The following PCBP3 variants were observed in gnomAD, a reference collection of about 807,000 sequenced individuals.
The protein encoded by PCBP3 is poly(rC) binding protein 3.
PCBP3 carries 25 observed loss-of-function variants against 52.7 expected under a neutral mutation model. The observed-to-expected ratio is 0.47, with a 90% confidence interval of 0.35 to 0.66. PCBP3 has a LOEUF of 0.66. Ranked by LOEUF, PCBP3 falls within the 30% of genes least tolerant of loss-of-function variation. The pLI is 0.01. For synonymous variants in PCBP3, 162 were observed against 183.0 expected, an observed-to-expected ratio of 0.89 and a Z score of 0.93; for missense variants, 391 against 490.3, an observed-to-expected ratio of 0.80 and a Z score of 1.91.
At chr21:45,747,234 T>A (rs1037147099) in intron 3 of PCBP3, among the ~76,000 whole-genome samples, 1 of 152,190 alleles carries the variant, frequency 6.6e-6, no homozygotes. Flanking sequence ...GTGAGATTTA[T>A]TCACTACCAT....
At chr21:45,824,001 C>G (rs1390438883) in intron 4 of PCBP3, among the ~76,000 whole-genome samples, 2 of 152,168 alleles carry the variant, frequency 1.3e-5, no homozygotes, top group Non-Finnish European at 2.9e-5. Flanking sequence ...CTTGGCCTCC[C>G]AAAGTGCTGG....
At chr21:45,892,991 C>G (rs1457646772) in intron 5 of PCBP3, among the ~76,000 whole-genome samples, 1 of 151,340 alleles carries the variant, frequency 6.6e-6, no homozygotes, top group Non-Finnish European at 1.5e-5. Context: ...GGGAGGGAGT[C>G]CTGGAGAGGG....
chr21:45,936,617 T>G (rs1331982566), intron 16 of PCBP3, among the ~76,000 whole-genome samples: 1 of 152,234 alleles, frequency 6.6e-6, no homozygotes, highest in Non-Finnish European at 1.5e-5. Flanking sequence ...CTTCAGCATT[T>G]GGCTTCTGGC....
intron 4 of PCBP3, among the ~76,000 whole-genome samples, chr21:45,844,314 A>T (rs1012526524): frequency 3.3e-5 from 5 of 151,914 alleles, no homozygotes; most frequent in Non-Finnish European, 7.4e-5. Flanking sequence ...GTTGGGTGGG[A>T]GGTGCCCCAG....
At position 45,678,434 on chromosome 21, in the gene PCBP3, G is replaced by A. The variant is rs374872481; in HGVS notation, c.-200+9482G>A. Among the ~76,000 whole-genome samples the A allele has an allele frequency of 2.2e-3, 337 of 152,220 alleles. 2 individuals are homozygous for A. Among genetic ancestry groups the A allele is most frequent in the African/African-American group, 7.3e-3 (305 of 41,534 alleles). On this transcript the variant is annotated intron_variant, in intron 2 of 17. Transcript: ENST00000681687. Reference sequence around the variant, plus strand: ...GAAAACCTTCTGAGAGGCATTCACCGTTCTCGATGTCATTAAGAACATTTG... The same window carrying A: ...GAAAACCTTCTGAGAGGCATTCACCATTCTCGATGTCATTAAGAACATTTG...
intron 4 of PCBP3, among the ~76,000 whole-genome samples, chr21:45,811,673 A>C (rs987126232): frequency 1.3e-5 from 2 of 152,246 alleles, no homozygotes; most frequent in African/African-American, 4.8e-5. Flanking sequence ...GTATTGAGAC[A>C]TGTTGGCTTG....
At chr21:45,882,700 T>C (rs1353732215) in intron 5 of PCBP3, among the ~76,000 whole-genome samples, 1 of 152,234 alleles carries the variant, frequency 6.6e-6, no homozygotes, top group African/African-American at 2.4e-5. Flanking sequence ...TTGATTTTTA[T>C]AGATGGTGTG....
At chr21:45,676,361 T>C (rs1222380062) in intron 2 of PCBP3, among the ~76,000 whole-genome samples, 3 of 134,938 alleles carry the variant, frequency 2.2e-5, no homozygotes, top group Admixed American at 1.5e-4. Context: ...TATTGCACTT[T>C]ACAGAATTTT....
chr21:45,683,849 C>G (rs2147608352), intron 2 of PCBP3, among the ~76,000 whole-genome samples: 1 of 151,794 alleles, frequency 6.6e-6, no homozygotes, highest in Admixed American at 6.6e-5. Flanking sequence ...TGGCATGAAC[C>G]CGGGAGGCAG....
At position 45,845,936 on chromosome 21, in the gene PCBP3, G is replaced by A. The variant is rs559990128; in HGVS notation, c.-125-4025G>A. On this transcript the variant is annotated intron_variant, in intron 4 of 17. Coordinates refer to ENST00000681687, the MANE Select transcript of PCBP3 (RefSeq NM_001384156.1). ...CACAGCCAGAGCAGGCCAGAGGTGAGGAAGGGGATCCCATGCCTCCTTCAT... is the reference window on the plus strand; with the variant it reads ...CACAGCCAGAGCAGGCCAGAGGTGAAGAAGGGGATCCCATGCCTCCTTCAT... Among the ~76,000 whole-genome samples, 11 of 152,354 alleles carry A rather than the reference G, an allele frequency of 7.2e-5. No individual in the cohort carries two copies. In the South Asian group the frequency reaches 1.2e-3, roughly 17 times the overall value.
chr21:45,680,457 G>A (rs891226851), intron 2 of PCBP3, among the ~76,000 whole-genome samples: 3 of 152,142 alleles, frequency 2.0e-5, no homozygotes, highest in Non-Finnish European at 4.4e-5. Context: ...ACCTAAGTGT[G>A]TGTTTATTTT....
chr21:45,650,326 C>T (rs1045252425), intron 1 of PCBP3, among the ~76,000 whole-genome samples: 1 of 152,088 alleles, frequency 6.6e-6, no homozygotes, highest in African/African-American at 2.4e-5. Context: ...TTATTGGACC[C>T]AATATGCAAA....
chr21:45,842,101 G>A (rs576133735), intron 4 of PCBP3, among the ~76,000 whole-genome samples: 15 of 152,328 alleles, frequency 9.8e-5, no homozygotes, highest in African/African-American at 3.1e-4. Context: ...TCTTCCAGGC[G>A]ATTCTCTGTG....
chr21:45,741,276 A>C lies in PCBP3; in HGVS notation c.-162+5847A>C, dbSNP rs1391081881. Among the ~76,000 whole-genome samples, 1 of 152,204 alleles carries C rather than the reference A, an allele frequency of 6.6e-6. No individual in the cohort carries two copies. The highest frequency in any genetic ancestry group is 1.5e-5 in the Non-Finnish European group (1 of 68,022). ...AAAGAAATCAACCTAAGTTCATAGA[A>C]CACCAAAGAAAGCAGTGGGGAGGCC... On this transcript the variant is annotated intron_variant, in intron 3 of 17. Transcript: ENST00000681687. This position sits in a 1 kb window ranked among gnomAD's most constrained non-coding sequence, Gnocchi z 4.5.
chr21:45,780,827 A>G (rs1203716123), intron 4 of PCBP3, among the ~76,000 whole-genome samples: 1 of 152,220 alleles, frequency 6.6e-6, no homozygotes, highest in East Asian at 1.9e-4. Context: ...CGATGCGCCA[A>G]CACTTTTATT....
Position 45,791,171 on chromosome 21 carries a change from C to T in PCBP3, c.-126+35719C>T, listed in dbSNP as rs8133932. Among the ~76,000 whole-genome samples, 26,453 of 152,074 alleles carry T rather than the reference C, an allele frequency of 0.17. 2,920 individuals carry two copies. The highest frequency in any genetic ancestry group is 0.24 in the Non-Finnish European group (16,284 of 67,966). On this transcript the variant is annotated intron_variant, in intron 4 of 17. Transcript: ENST00000681687. This position sits in a 1 kb window ranked among gnomAD's most constrained non-coding sequence, Gnocchi z 4.2. Reference sequence around the variant, plus strand: ...ACAACAAGGCTGTGTTGGTCGTCAGCCCAGCGTGGGAAGGGGGAGTTTTGA... The same window carrying T: ...ACAACAAGGCTGTGTTGGTCGTCAGTCCAGCGTGGGAAGGGGGAGTTTTGA...
At chr21:45,804,731 C>A (rs2092433693) in intron 4 of PCBP3, among the ~76,000 whole-genome samples, 1 of 152,022 alleles carries the variant, frequency 6.6e-6, no homozygotes, top group African/African-American at 2.4e-5. Context: ...TAGTGTTGGC[C>A]AGTTTTAGCC....
At chr21:45,665,450 T>A (rs1334707295) in intron 1 of PCBP3, among the ~76,000 whole-genome samples, 6 of 152,144 alleles carry the variant, frequency 3.9e-5, no homozygotes, top group Non-Finnish European at 7.3e-5. Flanking sequence ...GTTAATTTTG[T>A]ATCCCGAAAC....
chr21:45,868,290 G>A (rs2094833385), intron 5 of PCBP3, among the ~76,000 whole-genome samples: 1 of 152,236 alleles, frequency 6.6e-6, no homozygotes. Context: ...CTCTGTCTGC[G>A]CGGTTTTCAG....
Sources: gnomAD v4.1 joint callset for allele counts (sites outside exome capture counted in the v4.1 genomes callset) on GRCh38, gnomAD v4.1.1 for gene constraint, Gnocchi (gnomAD v3.1) non-coding constraint, MANE v1.5 for transcripts, NCBI Gene and HGNC (gene_info 2026-07-23, HGNC 2026-07-21) for gene names.